Variants in RICTOR observed in about 807,000 individuals in gnomAD.
RICTOR encodes the protein rapamycin-insensitive companion of mTOR.
A neutral mutation model predicts 214.9 loss-of-function variants in RICTOR; 49 were observed. That is an observed-to-expected ratio of 0.23 (90% CI 0.18 to 0.29). The LOEUF (loss-of-function observed/expected upper bound fraction) is 0.29, where lower values mean the gene tolerates loss of function less well. RICTOR is among the 10% of genes least tolerant of loss of function. RICTOR has a pLI of 1.00. For missense variants in RICTOR, 1,625 were observed against 2,047.0 expected (o/e 0.79, Z 3.98); for synonymous variants, 717 against 711.3 (o/e 1.01, Z -0.13).
intron 10 of RICTOR, 147 bp from the exon 11 acceptor site, chr5:38,972,106 A>G (rs887060424): frequency 1.5e-5 from 8 of 527,230 alleles, no homozygotes; most frequent in Non-Finnish European, 2.7e-5. Context: ...CTATTATATA[A>G]CTGAAATATA....
Position 39,009,157 on chromosome 5 carries a change from T to G in RICTOR, c.196-5535A>C, listed in dbSNP as rs532804810. 3.9e-5 allele frequency among the ~76,000 whole-genome samples: 6 copies of G among 152,288 alleles called. No individual in the cohort carries two copies. In the South Asian group the frequency reaches 1.2e-3, roughly 32 times the overall value. ...GTCTTGTCCTTTAAAAGGTTGGTTT[T>G]TCCCCTAAGTGTGTACTTGACTCTC... On this transcript the variant is annotated intron_variant, in intron 3 of 37. Transcript: ENST00000357387.
chr5:39,015,798 T>C (rs1432272764), intron 3 of RICTOR, among the ~76,000 whole-genome samples: 1 of 152,052 alleles, frequency 6.6e-6, no homozygotes, highest in Admixed American at 6.6e-5. Context: ...AACATGAGGT[T>C]GAATCAAGGC....
intron 31 of RICTOR, chr5:38,949,325 G>C (rs761735680): frequency 1.7e-4 from 226 of 1,369,172 alleles, no homozygotes; most frequent in Non-Finnish European, 2.2e-4. Flanking sequence ...ATAATAAAGA[G>C]GTCAACTTTT....
intron 2 of RICTOR, among the ~76,000 whole-genome samples, chr5:39,036,932 C>T (rs1210333148): frequency 3.3e-5 from 5 of 151,986 alleles, no homozygotes; most frequent in Non-Finnish European, 4.4e-5. Context: ...AACAAGGATA[C>T]CCAGGAATTG....
intron 28 of RICTOR, 22 bp from the exon 29 acceptor site, chr5:38,953,113 A>C (rs1403555103): frequency 6.8e-7 from 1 of 1,467,350 alleles, no homozygotes; most frequent in Non-Finnish European, 9.5e-7. Flanking sequence ...GAAATCACTT[A>C]CATCAAATAT....
Position 39,005,046 on chromosome 5 carries a change from G to A in RICTOR, c.196-1424C>T, listed in dbSNP as rs560287781. Among the ~76,000 whole-genome samples, 25 of 152,268 alleles carry A rather than the reference G, an allele frequency of 1.6e-4. 1 individual carries two copies. In the South Asian group the frequency reaches 5.2e-3, roughly 32 times the overall value. On this transcript the variant is annotated intron_variant, in intron 3 of 37. Coordinates refer to ENST00000357387, the MANE Select transcript of RICTOR (RefSeq NM_152756.5). The stretch of plus-strand genomic sequence containing the variant: ...TCCGCCCGCCTTGGCCTCCCAAAGT[G>A]CTGGGATTATGGGCATGAGCCACAG...
chr5:38,990,800 A>AGC (rs1752692234), intron 7 of RICTOR, 149 bp downstream of exon 7: 1 of 89,484 alleles, frequency 1.1e-5, no homozygotes, highest in African/African-American at 5.1e-5. Flanking sequence ...GAGATATATG[A>AGC]TATATATGAG....
chr5:39,021,017 A>G, intron 3 of RICTOR, 22 bp downstream of exon 3: 2 of 1,112,278 alleles, frequency 1.8e-6, no homozygotes, highest in Non-Finnish European at 2.8e-6. Context: ...TTTAGACAAT[A>G]ATAAAAATTC....
intron 2 of RICTOR, among the ~76,000 whole-genome samples, chr5:39,044,761 G>A (rs1459337734): frequency 2.0e-5 from 3 of 151,996 alleles, no homozygotes; most frequent in Non-Finnish European, 2.9e-5. Context: ...AAAAGAAAAA[G>A]GCAAACAAAA....
At chr5:38,986,072 T>A (rs1161954365) in intron 7 of RICTOR, among the ~76,000 whole-genome samples, 1 of 152,188 alleles carries the variant, frequency 6.6e-6, no homozygotes, top group Non-Finnish European at 1.5e-5. Flanking sequence ...GGTTTGGCTC[T>A]GTGTCCCCAC....
intron 2 of RICTOR, among the ~76,000 whole-genome samples, chr5:39,039,174 T>G (rs183033674): frequency 6.6e-6 from 1 of 152,228 alleles, no homozygotes; most frequent in East Asian, 1.9e-4. Flanking sequence ...TATCTACAAT[T>G]ATCTGATCTT....
In RICTOR at chr5:38,985,514, T is replaced by C. The variant is rs1752097300; in HGVS notation, c.584-3478A>G. Among the ~76,000 whole-genome samples the C allele has an allele frequency of 4.6e-5, 7 of 152,358 alleles. No individual in the cohort carries two copies. In the South Asian group the frequency reaches 1.4e-3, roughly 32 times the overall value. On this transcript the variant is annotated intron_variant, in intron 7 of 37. Transcript: ENST00000357387. ...CATTTACCTTTTTATTGGATTGTTC[T>C]GGCACTGCTTGTTTTTGTGACTCCT...
chr5:39,036,036 GA>G (rs1441569991), intron 2 of RICTOR, among the ~76,000 whole-genome samples: 2 of 152,208 alleles, frequency 1.3e-5, no homozygotes, highest in African/African-American at 4.8e-5. Context: ...AAGTTGAAAT[GA>G]AGGAAAAAAT....
intron 2 of RICTOR, among the ~76,000 whole-genome samples, chr5:39,038,584 C>G (rs1240687359): frequency 6.6e-6 from 1 of 152,096 alleles, no homozygotes; most frequent in African/African-American, 2.4e-5. Context: ...TTGTCTCAGC[C>G]CAAAATCTCC....
chr5:38,990,369 GA>G (rs1233405782), intron 7 of RICTOR, among the ~76,000 whole-genome samples: 1 of 151,678 alleles, frequency 6.6e-6, no homozygotes, highest in Non-Finnish European at 1.5e-5. Context: ...AGCATTAGGA[GA>G]AATACCTAAT....
intron 7 of RICTOR, among the ~76,000 whole-genome samples, chr5:38,988,663 C>T (rs536019254): frequency 2.0e-5 from 3 of 152,044 alleles, no homozygotes; most frequent in Non-Finnish European, 2.9e-5. Context: ...AGCAACTTCA[C>T]CAAAGTCTCA....
intron 3 of RICTOR, among the ~76,000 whole-genome samples, chr5:39,015,043 A>G (rs1754839945): frequency 6.6e-6 from 1 of 152,162 alleles, no homozygotes; most frequent in East Asian, 1.9e-4. Context: ...ATGAGGGTGG[A>G]AAAATAAATA....
intron 36 of RICTOR, among the ~76,000 whole-genome samples, chr5:38,943,751 T>G (rs1046205495): frequency 6.6e-6 from 1 of 152,016 alleles, no homozygotes; most frequent in African/African-American, 2.4e-5. Flanking sequence ...AGGCAGAGGT[T>G]GCAGTGAGCC....
intron 2 of RICTOR, among the ~76,000 whole-genome samples, chr5:39,068,074 G>A (rs994317403): frequency 3.3e-5 from 5 of 152,146 alleles, no homozygotes; most frequent in Non-Finnish European, 7.3e-5. Context: ...AAATAAAGAC[G>A]TAAAAAAGCA....
Sources: gnomAD v4.1 joint callset for allele counts (sites outside exome capture counted in the v4.1 genomes callset) on GRCh38, gnomAD v4.1.1 for gene constraint, MANE v1.5 for transcripts, NCBI Gene and HGNC (gene_info 2026-07-23, HGNC 2026-07-21) for gene names.